Variants in CTNND2 observed in about 807,000 individuals in gnomAD.
CTNND2 encodes catenin delta-2.
Under a neutral mutation model 144.4 loss-of-function variants are expected in CTNND2, and 22 were observed. That is an observed-to-expected ratio of 0.15 (90% confidence interval 0.11 to 0.22). CTNND2 has a LOEUF of 0.22. CTNND2 is among the 10% of genes least tolerant of loss of function. The probability of loss-of-function intolerance (pLI) is 1.00; values close to 1 mark genes in which losing one functional copy is unlikely to be tolerated. For missense variants in CTNND2, 1,353 were observed against 1,618.8 expected (o/e 0.84, Z 2.82); for synonymous variants, 751 against 695.6 (o/e 1.08, Z -1.25).
chr5:11,267,629 C>T (rs1251969831), intron 9 of CTNND2, among the ~76,000 whole-genome samples: 2 of 152,132 alleles, frequency 1.3e-5, no homozygotes, highest in African/African-American at 2.4e-5. Context: ...AAATGCCCAC[C>T]GTGTGATTTA....
intron 2 of CTNND2, among the ~76,000 whole-genome samples, chr5:11,597,156 T>C (rs1581584614): frequency 1.3e-5 from 2 of 152,224 alleles, no homozygotes; most frequent in African/African-American, 4.8e-5. Flanking sequence ...AGCACATTGT[T>C]CTTCTAGAAT....
intron 10 of CTNND2, among the ~76,000 whole-genome samples, chr5:11,202,862 T>C (rs541689268): frequency 6.6e-6 from 1 of 152,316 alleles, no homozygotes; most frequent in African/African-American, 2.4e-5. Context: ...TGGAGTGCAA[T>C]GGCACGATCT....
chr5:11,246,727 G>C (rs1436097514), intron 9 of CTNND2, among the ~76,000 whole-genome samples: 4 of 151,060 alleles, frequency 2.6e-5, no homozygotes, highest in Admixed American at 2.6e-4. Context: ...AGGTGGGTGG[G>C]GGGGTGGGGG....
chr5:11,610,245 C>G (rs1233935444), intron 2 of CTNND2, among the ~76,000 whole-genome samples: 1 of 152,184 alleles, frequency 6.6e-6, no homozygotes, highest in Non-Finnish European at 1.5e-5. Flanking sequence ...AACCCAGTGC[C>G]TTCTCTTGGC....
intron 10 of CTNND2, among the ~76,000 whole-genome samples, chr5:11,216,720 C>G (rs1739238747): frequency 6.6e-6 from 1 of 152,228 alleles, no homozygotes; most frequent in African/African-American, 2.4e-5. Flanking sequence ...AGTGCTCATA[C>G]ATAGGTGGAA....
intron 2 of CTNND2, among the ~76,000 whole-genome samples, chr5:11,634,359 C>T (rs1210834500): frequency 6.6e-6 from 1 of 152,130 alleles, no homozygotes; most frequent in African/African-American, 2.4e-5. Context: ...TGGGGATTCA[C>T]AGTTGAGAAT....
At chr5:11,733,474 T>C (rs757095724) in intron 1 of CTNND2, among the ~76,000 whole-genome samples, 7 of 152,008 alleles carry the variant, frequency 4.6e-5, no homozygotes, top group South Asian at 4.2e-4. Context: ...AGAAGAAAAA[T>C]AGAGTTTGAG....
chr5:11,892,653 C>T (rs75693467), intron 1 of CTNND2, among the ~76,000 whole-genome samples: 1,964 of 152,036 alleles, frequency 0.013, 43 homozygotes, highest in African/African-American at 0.044. Context: ...AAGACAAAAT[C>T]TCTTCGGAGT....
intron 16 of CTNND2, among the ~76,000 whole-genome samples, chr5:11,034,320 G>A (rs533322717): frequency 6.6e-6 from 1 of 152,294 alleles, no homozygotes; most frequent in South Asian, 2.1e-4. Flanking sequence ...AGGTTAACGA[G>A]TGTTCAGCTA....
intron 2 of CTNND2, among the ~76,000 whole-genome samples, chr5:11,592,981 A>G (rs1416044110): frequency 6.6e-6 from 1 of 152,000 alleles, no homozygotes; most frequent in Non-Finnish European, 1.5e-5. Context: ...TACAAGAAAC[A>G]TGACACTGCA....
chr5:11,544,149 T>C (rs1169164740), intron 3 of CTNND2, among the ~76,000 whole-genome samples: 1 of 152,070 alleles, frequency 6.6e-6, no homozygotes, highest in Non-Finnish European at 1.5e-5. Context: ...AAATGAAGAG[T>C]TCTTCCATTA....
intron 2 of CTNND2, among the ~76,000 whole-genome samples, chr5:11,730,817 T>C (rs1479638632): frequency 1.3e-5 from 2 of 152,230 alleles, no homozygotes; most frequent in Non-Finnish European, 2.9e-5. Context: ...TCTTGCCTTT[T>C]TGTTACATTT....
intron 3 of CTNND2, among the ~76,000 whole-genome samples, chr5:11,538,265 A>G (rs1028585982): frequency 6.6e-6 from 1 of 152,216 alleles, no homozygotes; most frequent in Non-Finnish European, 1.5e-5. Context: ...GGGAAGAAGG[A>G]ATAATAACGA....
At chr5:11,657,190 A>T (rs754534554) in intron 2 of CTNND2, among the ~76,000 whole-genome samples, 49 of 152,222 alleles carry the variant, frequency 3.2e-4, no homozygotes, top group Non-Finnish European at 5.4e-4. Context: ...ATCAAAAGTG[A>T]TTCAGAAGAG....
At chr5:11,035,255 T>C (rs2400005) in intron 16 of CTNND2, among the ~76,000 whole-genome samples, 50,864 of 151,988 alleles carry the variant, frequency 0.33, 8,801 homozygotes, top group Admixed American at 0.44. Context: ...AGGGTGTGGG[T>C]AGATTACGGT....
intron 1 of CTNND2, among the ~76,000 whole-genome samples, chr5:11,764,250 G>A (rs958885664): frequency 9.2e-5 from 14 of 152,262 alleles, no homozygotes; most frequent in Admixed American, 7.8e-4. Flanking sequence ...TTCTCTAGAG[G>A]CTTCAGAAGC....
At chr5:11,448,814 G>A (rs1356792152) in intron 3 of CTNND2, among the ~76,000 whole-genome samples, 1 of 151,914 alleles carries the variant, frequency 6.6e-6, no homozygotes, top group East Asian at 1.9e-4. Context: ...AACTATAGGC[G>A]TGCACCACCA....
intron 2 of CTNND2, among the ~76,000 whole-genome samples, chr5:11,611,138 T>C (rs1050871027): frequency 6.6e-5 from 10 of 152,150 alleles, no homozygotes; most frequent in Non-Finnish European, 1.5e-4. Flanking sequence ...CTGATGGTTT[T>C]ATAAGGGGCT....
intron 2 of CTNND2, among the ~76,000 whole-genome samples, chr5:11,626,701 C>G (rs1447345993): frequency 3.9e-5 from 6 of 152,154 alleles, no homozygotes; most frequent in Non-Finnish European, 8.8e-5. Flanking sequence ...AGCTATGACA[C>G]TGCACATCAC....
Sources: gnomAD v4.1 joint callset for allele counts (sites outside exome capture counted in the v4.1 genomes callset) on GRCh38, gnomAD v4.1.1 for gene constraint, MANE v1.5 for transcripts, NCBI Gene and HGNC (gene_info 2026-07-23, HGNC 2026-07-21) for gene names.